IMMP2L: variants seen among roughly 807,000 people sequenced by gnomAD.
IMMP2L encodes the protein inner mitochondrial membrane peptidase subunit 2.
A neutral mutation model predicts 19.3 loss-of-function variants in IMMP2L; 18 were observed. That is an observed-to-expected ratio of 0.93 (90% CI 0.64 to 1.38). The LOEUF is 1.38. IMMP2L is among the 40% of genes most tolerant of loss of function. IMMP2L has a pLI of 0.00. For synonymous variants in IMMP2L, 76 were observed against 73.0 expected, an observed-to-expected ratio of 1.04 and a Z score of -0.21; for missense variants, 233 against 218.2, an observed-to-expected ratio of 1.07 and a Z score of -0.43.
intron 3 of IMMP2L, among the ~76,000 whole-genome samples, chr7:111,157,026 A>C (rs2129604813): frequency 6.6e-6 from 1 of 152,230 alleles, no homozygotes; most frequent in Middle Eastern, 3.4e-3. Flanking sequence ...ACAATGAGAT[A>C]ACATCACACT....
At chr7:110,834,377 T>TGTG (rs1804241779) in intron 5 of IMMP2L, among the ~76,000 whole-genome samples, 1 of 150,656 alleles carries the variant, frequency 6.6e-6, no homozygotes, top group Non-Finnish European at 1.5e-5. Context: ...TGTGTGTGTG[T>TGTG]TATATGCAAC....
intron 3 of IMMP2L, among the ~76,000 whole-genome samples, chr7:111,157,743 C>T (rs1804801899): frequency 6.6e-6 from 1 of 152,010 alleles, no homozygotes; most frequent in South Asian, 2.1e-4. Context: ...GCATTTGTAA[C>T]ACAGAAAGAA....
At chr7:111,039,251 T>A (rs1791647770) in intron 3 of IMMP2L, among the ~76,000 whole-genome samples, 1 of 152,198 alleles carries the variant, frequency 6.6e-6, no homozygotes, top group Non-Finnish European at 1.5e-5. Flanking sequence ...AGCTTAAGTT[T>A]CAGAATGTAT....
chr7:111,177,099 G>A (rs1807155982), intron 3 of IMMP2L, among the ~76,000 whole-genome samples: 1 of 151,990 alleles, frequency 6.6e-6, no homozygotes, highest in African/African-American at 2.4e-5. Context: ...TTAACAAAAT[G>A]GTCAAAAAAA....
chr7:110,867,642 G>A (rs1021274705), intron 5 of IMMP2L, among the ~76,000 whole-genome samples: 4 of 151,734 alleles, frequency 2.6e-5, no homozygotes, highest in Non-Finnish European at 4.4e-5. Context: ...CTACCCTTGA[G>A]CATCTCTCTT....
intron 3 of IMMP2L, among the ~76,000 whole-genome samples, chr7:111,057,201 C>T (rs1200776994): frequency 6.6e-6 from 1 of 152,170 alleles, no homozygotes; most frequent in African/African-American, 2.4e-5. Flanking sequence ...CTGCTTCCCA[C>T]ATTTGATTCA....
At chr7:110,879,999 C>A (rs17158105) in intron 5 of IMMP2L, among the ~76,000 whole-genome samples, 2,477 of 152,166 alleles carry the variant, frequency 0.016, 71 homozygotes, top group African/African-American at 0.057. Context: ...GAGCAGAATT[C>A]TTTAGGAGTC....
chr7:111,196,373 T>C (rs1386288184), intron 3 of IMMP2L, among the ~76,000 whole-genome samples: 1 of 152,010 alleles, frequency 6.6e-6, no homozygotes, highest in Middle Eastern at 3.4e-3. Flanking sequence ...AAAATCAAAC[T>C]AGAAAAAAAA....
intron 1 of IMMP2L, among the ~76,000 whole-genome samples, chr7:111,548,527 CA>C (rs1849150981): frequency 6.6e-6 from 1 of 151,976 alleles, no homozygotes; most frequent in Admixed American, 6.6e-5. Flanking sequence ...AGTATAAATA[CA>C]AAAAGTTGAT....
At chr7:110,957,490 A>T (rs1818472374) in intron 4 of IMMP2L, among the ~76,000 whole-genome samples, 1 of 151,962 alleles carries the variant, frequency 6.6e-6, no homozygotes, top group African/African-American at 2.4e-5. Context: ...TCTATTCTCC[A>T]AGCAGCAGAA....
At chr7:111,450,870 A>G (rs1310366717) in intron 3 of IMMP2L, among the ~76,000 whole-genome samples, 1 of 150,768 alleles carries the variant, frequency 6.6e-6, no homozygotes, top group Non-Finnish European at 1.5e-5. Flanking sequence ...CAAGAAAAAA[A>G]CAAACAACCC....
intron 3 of IMMP2L, among the ~76,000 whole-genome samples, chr7:111,136,306 G>A (rs113833848): frequency 0.042 from 6,373 of 152,250 alleles, 201 homozygotes; most frequent in South Asian, 0.081. Flanking sequence ...GATTGCAGGC[G>A]TGAGCCACTG....
intron 3 of IMMP2L, among the ~76,000 whole-genome samples, chr7:111,412,153 T>C (rs1834491467): frequency 3.3e-5 from 5 of 151,578 alleles, no homozygotes; most frequent in Middle Eastern, 3.4e-3. Context: ...TAATGAAGCT[T>C]CAAAACACAT....
chr7:111,116,315 A>T (rs1427218156), intron 3 of IMMP2L, among the ~76,000 whole-genome samples: 1 of 152,144 alleles, frequency 6.6e-6, no homozygotes, highest in African/African-American at 2.4e-5. Flanking sequence ...CCCTCCTTTT[A>T]AAAAAATCTA....
intron 2 of IMMP2L, among the ~76,000 whole-genome samples, chr7:111,507,070 G>A (rs1029459852): frequency 6.6e-6 from 1 of 151,074 alleles, no homozygotes; most frequent in Admixed American, 6.6e-5. Context: ...CAAACTCCTG[G>A]GCTCAAGTTA....
intron 5 of IMMP2L, among the ~76,000 whole-genome samples, chr7:110,852,590 T>C (rs1806349381): frequency 6.6e-6 from 1 of 152,062 alleles, no homozygotes; most frequent in African/African-American, 2.4e-5. Context: ...CAAGCAAATC[T>C]GGGGAGGAGG....
At chr7:110,921,457 G>C (rs988260487) in intron 4 of IMMP2L, among the ~76,000 whole-genome samples, 1 of 152,048 alleles carries the variant, frequency 6.6e-6, no homozygotes, top group African/African-American at 2.4e-5. Context: ...TTTGTCATAG[G>C]GATCATTGGA....
At chr7:111,544,811 G>A (rs570958794) in intron 1 of IMMP2L, among the ~76,000 whole-genome samples, 45 of 151,272 alleles carry the variant, frequency 3.0e-4, no homozygotes, top group Non-Finnish European at 5.7e-4. Flanking sequence ...CATGAGGGAA[G>A]GAAGGTAACT....
chr7:110,730,183 G>T (rs1010660383), intron 5 of IMMP2L, among the ~76,000 whole-genome samples: 1 of 152,164 alleles, frequency 6.6e-6, no homozygotes, highest in South Asian at 2.1e-4. Context: ...CTATGAGGGT[G>T]CTGCCAAAGG....
Sources: allele counts gnomAD v4.1 joint callset (sites outside exome capture counted in the v4.1 genomes callset), GRCh38; gene constraint gnomAD v4.1.1; transcripts MANE v1.5; gene names NCBI Gene and HGNC (gene_info 2026-07-23, HGNC 2026-07-21).